TMEM184B: variants seen among roughly 807,000 people sequenced by gnomAD.
The protein encoded by TMEM184B is putative MAPK-activating protein FM08.
TMEM184B carries 17 observed loss-of-function variants against 41.8 expected under a neutral mutation model. The observed-to-expected ratio is 0.41, with a 90% CI of 0.28 to 0.61. The LOEUF (loss-of-function observed/expected upper bound fraction) is 0.61. Ranked by LOEUF, TMEM184B falls within the 20% of genes least tolerant of loss-of-function variation. The probability of loss-of-function intolerance (pLI) is 0.34; values close to 1 mark genes in which losing one functional copy is unlikely to be tolerated. For synonymous variants in TMEM184B, 240 were observed against 229.5 expected (o/e 1.05, Z -0.41); for missense variants, 393 against 557.8 (o/e 0.70, Z 2.98).
At chr22:38,253,090 C>T (rs1032824391) in intron 1 of TMEM184B, among the ~76,000 whole-genome samples, 3 of 151,750 alleles carry the variant, frequency 2.0e-5, no homozygotes, top group Admixed American at 1.3e-4. Flanking sequence ...TGCAGTGAGC[C>T]GAGATCGCGC....
chr22:38,261,903 C>T (rs2092373696), intron 1 of TMEM184B, among the ~76,000 whole-genome samples: 1 of 152,272 alleles, frequency 6.6e-6, no homozygotes, highest in Non-Finnish European at 1.5e-5. Context: ...TTCATTCATG[C>T]AAACACATTC....
intron 1 of TMEM184B, among the ~76,000 whole-genome samples, chr22:38,264,691 A>C (rs372990927): frequency 6.6e-6 from 1 of 152,208 alleles, no homozygotes; most frequent in African/African-American, 2.4e-5. Flanking sequence ...CCGAGTATCA[A>C]GTCAGGACAG....
At chr22:38,266,043 G>T (rs2092439567) in intron 1 of TMEM184B, among the ~76,000 whole-genome samples, 2 of 152,220 alleles carry the variant, frequency 1.3e-5, no homozygotes, top group South Asian at 4.1e-4. Flanking sequence ...CCTTGGAGTA[G>T]GGGGGCTGTC....
chr22:38,256,977 GTTTTTT>G (rs777863582), intron 1 of TMEM184B, among the ~76,000 whole-genome samples: 1 of 124,286 alleles, frequency 8.0e-6, no homozygotes, highest in African/African-American at 3.1e-5. Context: ...GACATTAATA[GTTTTTT>G]TTTTTTTTTT....
chr22:38,261,842 A>C (rs1296397078), intron 1 of TMEM184B, among the ~76,000 whole-genome samples: 1 of 152,228 alleles, frequency 6.6e-6, no homozygotes, highest in African/African-American at 2.4e-5. Context: ...CCTGTAATCA[A>C]GAAGCCTGGC....
intron 1 of TMEM184B, among the ~76,000 whole-genome samples, chr22:38,268,857 T>A (rs1024565554): frequency 3.9e-5 from 6 of 152,300 alleles, no homozygotes; most frequent in Admixed American, 6.5e-5. Context: ...TGAGGGCGGC[T>A]CCCCGCAAAC....
Position 38,221,326 on chromosome 22 carries a change from T to C in TMEM184B, c.*143A>G, listed in dbSNP as rs2235265. 445,508 of 1,442,224 alleles carry C rather than the reference T, an allele frequency of 0.31. 72,326 individuals are homozygous for C. Among genetic ancestry groups the C allele is most frequent in the African/African-American group, 0.56 (39,264 of 70,132 alleles). The allele number at this position is 1,442,224 out of a possible 1,614,324, so 89.3% of individuals were successfully genotyped here. A position where few individuals can be genotyped will look rare whatever the true frequency, so the allele number is the denominator to read the frequency against. On this transcript the variant is annotated 3_prime_UTR_variant, in exon 9 of 9. Coordinates refer to ENST00000361906, the MANE Select transcript of TMEM184B (RefSeq NM_012264.5). Reference sequence around the variant, plus strand: ...TGGCTGTCCCCCGTTCCTCTGGAAGTGACATGTGAGTGTTTCTGGTCCAAT... The same window carrying C: ...TGGCTGTCCCCCGTTCCTCTGGAAGCGACATGTGAGTGTTTCTGGTCCAAT...
intron 1 of TMEM184B, among the ~76,000 whole-genome samples, chr22:38,250,277 A>G (rs559222155): frequency 6.6e-6 from 1 of 152,372 alleles, no homozygotes; most frequent in South Asian, 2.1e-4. Context: ...CGGCCGCAGC[A>G]TCTCCGCCAC....
intron 1 of TMEM184B, among the ~76,000 whole-genome samples, chr22:38,261,022 T>C (rs1174093824): frequency 6.6e-6 from 1 of 152,174 alleles, no homozygotes; most frequent in Admixed American, 6.5e-5. Context: ...CCTTCCATCT[T>C]ACCATAACTC....
chr22:38,219,069 G>T (rs115408619), downstream of TMEM184B, among the ~76,000 whole-genome samples: 6 of 152,186 alleles, frequency 3.9e-5, no homozygotes, highest in Admixed American at 3.9e-4. Context: ...CCTGCGGCCC[G>T]GCCGTCCTGG....
At chr22:38,252,059 C>CA (rs992528960) in intron 1 of TMEM184B, among the ~76,000 whole-genome samples, 1 of 148,382 alleles carries the variant, frequency 6.7e-6, no homozygotes, top group African/African-American at 2.6e-5. Context: ...CCATGTCCAA[C>CA]AAATTTTTTT....
downstream of TMEM184B, chr22:38,216,627 G>C (rs542691166): frequency 6.5e-6 from 1 of 154,762 alleles, no homozygotes; most frequent in East Asian, 1.9e-4. Context: ...CTATTGCACA[G>C]GGTATGAGGT....
chr22:38,270,630 G>A (rs533524932), intron 1 of TMEM184B, among the ~76,000 whole-genome samples: 9 of 152,246 alleles, frequency 5.9e-5, no homozygotes, highest in African/African-American at 2.2e-4. Context: ...GGGCTGCAGG[G>A]CCTGGTGCAG....
chr22:38,247,806 G>A lies in TMEM184B; in HGVS notation c.156C>T (p.Phe52=), dbSNP rs747252776. The A allele has an allele frequency of 1.2e-6, 2 of 1,613,942 alleles. No homozygotes were observed. Among genetic ancestry groups the A allele is most frequent in the East Asian group, 2.2e-5 (1 of 44,894 alleles). The change falls in exon 2 of 9, where the codon TTC becomes TTT. Residue 52 remains phenylalanine (F), a synonymous_variant. Transcript: ENST00000361906. ...MTTAAQAISG[F]FVWTALLITC... ...TGATGAGCAGGGCCGTCCACACGAA[G>A]AAGCCAGAGATGGCCTGAGCGGCAG...
chr22:38,242,242 C>A (rs944948717), intron 3 of TMEM184B, among the ~76,000 whole-genome samples: 1 of 150,716 alleles, frequency 6.6e-6, no homozygotes, highest in Non-Finnish European at 1.5e-5. Flanking sequence ...CCAAGGCGGG[C>A]GGATTGCCTG....
chr22:38,246,032 G>A lies in TMEM184B; in HGVS notation c.261C>T (p.Ile87=), dbSNP rs11538088. ...EQRYIVRILF[I]VPIYAFDSWL... is the part of the protein sequence containing the mutation. ...AGGAGTCAAAGGCGTAGATGGGCAC[G>A]ATGAAGAGGATGCGCACGATGTAGC... Residue 87 remains isoleucine (I), a synonymous_variant, in exon 3 of 9, where the codon ATC becomes ATT. Transcript: ENST00000361906. 1.2e-3 allele frequency: 1,990 copies of A among 1,613,628 alleles called. 26 individuals are homozygous for A. The East Asian group carries it at 0.036, about 29-fold the overall frequency.
Position 38,220,716 on chromosome 22 carries a change from G to C in TMEM184B, c.*753C>G. 1 of 986,328 alleles carries C rather than the reference G, an allele frequency of 1.0e-6. No individual in the cohort carries two copies. Among genetic ancestry groups the C allele is most frequent in the Non-Finnish European group, 1.2e-6 (1 of 830,252 alleles). 61.1% of individuals were successfully genotyped at this position (986,328 alleles called of 1,614,324 possible). ...ATCGAGGAAGGACCCAAGTGAGCCG[G>C]CAGTGCGGGCTGTGGGCTGTCCTTG... is the stretch of plus-strand genomic sequence containing the variant. On this transcript the variant is annotated 3_prime_UTR_variant, in exon 9 of 9. Coordinates refer to ENST00000361906, the MANE Select transcript of TMEM184B (RefSeq NM_012264.5).
At chr22:38,246,876 G>A (rs1462452391) in intron 2 of TMEM184B, 37 of 1,302,708 alleles carry the variant, frequency 2.8e-5, no homozygotes, top group Admixed American at 1.2e-4. Context: ...TGGCCCAGCC[G>A]AGCCCTGGGC....
chr22:38,255,610 A>C (rs939577839), intron 1 of TMEM184B, among the ~76,000 whole-genome samples: 1 of 152,268 alleles, frequency 6.6e-6, no homozygotes, highest in Non-Finnish European at 1.5e-5. Flanking sequence ...ATCTGTAATC[A>C]TCAAAATCTG....
Sources: gnomAD v4.1 joint callset for allele counts (sites outside exome capture counted in the v4.1 genomes callset) on GRCh38, gnomAD v4.1.1 for gene constraint, MANE v1.5 for transcripts, NCBI Gene and HGNC (gene_info 2026-07-23, HGNC 2026-07-21) for gene names.